Variants in GRID2 observed in about 807,000 individuals in gnomAD.
The protein encoded by GRID2 is glutamate ionotropic receptor delta type subunit 2.
Under a neutral mutation model 114.8 loss-of-function variants are expected in GRID2, and 33 were observed. The ratio of observed to expected loss-of-function variants is 0.29; its 90% confidence interval spans 0.22 to 0.38. The LOEUF (loss-of-function observed/expected upper bound fraction) is 0.38, where lower values mean the gene tolerates loss of function less well. GRID2 is among the 10% of genes least tolerant of loss of function. The pLI, the probability that GRID2 is intolerant of heterozygous loss-of-function variation, is 1.00. For synonymous variants in GRID2, 505 were observed against 449.9 expected (o/e 1.12, Z -1.55); for missense variants, 1,184 against 1,257.7 (o/e 0.94, Z 0.89).
At chr4:92,473,146 G>A (rs1207013748) in intron 1 of GRID2, among the ~76,000 whole-genome samples, 3 of 151,970 alleles carry the variant, frequency 2.0e-5, no homozygotes, top group African/African-American at 7.2e-5. Flanking sequence ...TGTTGAAAAG[G>A]CTATGCTTTC....
chr4:92,512,756 A>C (rs1176062126), intron 1 of GRID2, among the ~76,000 whole-genome samples: 1 of 151,868 alleles, frequency 6.6e-6, no homozygotes, highest in African/African-American at 2.4e-5. Flanking sequence ...CTGGCAAATC[A>C]TATCCTGTTA....
chr4:93,392,944 A>G (rs1002514034), intron 8 of GRID2, among the ~76,000 whole-genome samples: 48 of 152,044 alleles, frequency 3.2e-4, no homozygotes, highest in African/African-American at 1.1e-3. Context: ...ACCTTCTCAT[A>G]TGGTCATTGT....
chr4:93,727,030 G>A (rs1330764223), intron 14 of GRID2, among the ~76,000 whole-genome samples: 9 of 152,162 alleles, frequency 5.9e-5, no homozygotes, highest in Non-Finnish European at 1.0e-4. Context: ...ATGTTGAATA[G>A]GAGTGGCGAG....
At chr4:93,242,315 G>A (rs1380211180) in intron 8 of GRID2, among the ~76,000 whole-genome samples, 2 of 20,746 alleles carry the variant, frequency 9.6e-5, no homozygotes, top group Non-Finnish European at 2.0e-4. Flanking sequence ...GAAATGCCAG[G>A]GAGGGCTATT....
At chr4:92,661,089 T>C (rs553209007) in intron 2 of GRID2, among the ~76,000 whole-genome samples, 1 of 150,966 alleles carries the variant, frequency 6.6e-6, no homozygotes, top group South Asian at 2.1e-4. Flanking sequence ...CATTATCAGC[T>C]AACATGACAG....
chr4:92,992,347 C>T (rs769653044), intron 2 of GRID2, among the ~76,000 whole-genome samples: 2 of 152,058 alleles, frequency 1.3e-5, no homozygotes, highest in Non-Finnish European at 2.9e-5. Context: ...TACCACAACT[C>T]CTCATCATTT....
At chr4:93,564,116 A>G (rs1318368149) in intron 13 of GRID2, among the ~76,000 whole-genome samples, 1 of 152,086 alleles carries the variant, frequency 6.6e-6, no homozygotes, top group South Asian at 2.1e-4. Flanking sequence ...TTAATAAAAA[A>G]GGTAGAAGAT....
intron 14 of GRID2, among the ~76,000 whole-genome samples, chr4:93,702,017 A>T (rs1238368947): frequency 6.6e-6 from 1 of 152,078 alleles, no homozygotes; most frequent in African/African-American, 2.4e-5. Context: ...TCATTAACTA[A>T]CTTTATTACA....
At chr4:93,333,864 G>A (rs1758751213) in intron 8 of GRID2, among the ~76,000 whole-genome samples, 1 of 135,388 alleles carries the variant, frequency 7.4e-6, no homozygotes, top group Admixed American at 6.8e-5. Flanking sequence ...TCTTATACAA[G>A]GAGAACCTAA....
intron 1 of GRID2, among the ~76,000 whole-genome samples, chr4:92,589,282 C>T (rs1195137982): frequency 6.6e-6 from 1 of 151,750 alleles, no homozygotes; most frequent in African/African-American, 2.4e-5. Context: ...ATACACACAA[C>T]GTGAGGTTTA....
intron 1 of GRID2, among the ~76,000 whole-genome samples, chr4:92,330,875 A>G (rs963335508): frequency 1.3e-5 from 2 of 152,154 alleles, no homozygotes; most frequent in Non-Finnish European, 2.9e-5. Flanking sequence ...TCTCAAATGT[A>G]TATGAAAATG....
chr4:92,788,994 A>G (rs1739450262), intron 2 of GRID2, among the ~76,000 whole-genome samples: 1 of 151,870 alleles, frequency 6.6e-6, no homozygotes, highest in Non-Finnish European at 1.5e-5. Flanking sequence ...TATTTTAATA[A>G]ATAGTCACAG....
chr4:92,672,782 G>T lies in GRID2; in HGVS notation c.244+82496G>T, dbSNP rs545966968. Among the ~76,000 whole-genome samples the T allele has an allele frequency of 9.9e-5, 15 of 152,086 alleles. No individual in the cohort carries two copies. In the South Asian group the frequency reaches 3.1e-3, roughly 32 times the overall value. ...GATATAATCAAGTCAGGGTAATTAGGATATCTATCACCTTAAATATTTATT... is the reference window on the plus strand; with the variant it reads ...GATATAATCAAGTCAGGGTAATTAGTATATCTATCACCTTAAATATTTATT... On this transcript the variant is annotated intron_variant, in intron 2 of 15. Coordinates refer to ENST00000282020, the MANE Select transcript of GRID2 (RefSeq NM_001510.4).
chr4:92,869,030 G>A (rs1191000594), intron 2 of GRID2, among the ~76,000 whole-genome samples: 1 of 152,054 alleles, frequency 6.6e-6, no homozygotes, highest in Non-Finnish European at 1.5e-5. Context: ...GGCCTCTAAA[G>A]GAAATTACTT....
chr4:92,382,290 C>T (rs1729656194), intron 1 of GRID2, among the ~76,000 whole-genome samples: 1 of 151,816 alleles, frequency 6.6e-6, no homozygotes, highest in African/African-American at 2.4e-5. Flanking sequence ...GCATAGCACC[C>T]ATACAAAAGA....
chr4:93,730,494 C>G lies in GRID2; in HGVS notation c.2361-38716C>G, dbSNP rs142535073. Among the ~76,000 whole-genome samples, 812 of 152,300 alleles carry G rather than the reference C, an allele frequency of 5.3e-3. 7 individuals are homozygous for G. The highest frequency in any genetic ancestry group is 0.018 in the African/African-American group (768 of 41,582). On this transcript the variant is annotated intron_variant, in intron 14 of 15. Coordinates refer to ENST00000282020, the MANE Select transcript of GRID2 (RefSeq NM_001510.4). Reference sequence around the variant, plus strand: ...CCAAAAAATAAAAGCGACAATCAAGCCTTTAATCTCTTCCTGCAGTAGTGT... The same window carrying G: ...CCAAAAAATAAAAGCGACAATCAAGGCTTTAATCTCTTCCTGCAGTAGTGT...
At chr4:92,701,249 A>AT (rs1734663266) in intron 2 of GRID2, among the ~76,000 whole-genome samples, 2 of 152,196 alleles carry the variant, frequency 1.3e-5, no homozygotes, top group East Asian at 3.9e-4. Context: ...AAAACCTAAT[A>AT]TTTTTTAGCC....
chr4:93,555,508 C>T (rs888133653), intron 13 of GRID2, among the ~76,000 whole-genome samples: 3 of 152,052 alleles, frequency 2.0e-5, no homozygotes, highest in Non-Finnish European at 4.4e-5. Context: ...TCGAACTGGG[C>T]GGAGCCCACC....
At chr4:92,620,794 G>C (rs1434699438) in intron 2 of GRID2, among the ~76,000 whole-genome samples, 2 of 151,120 alleles carry the variant, frequency 1.3e-5, no homozygotes, top group Admixed American at 6.6e-5. Flanking sequence ...GACTGTTGTG[G>C]GGTGGGGGGA....
Sources: allele counts gnomAD v4.1 joint callset (sites outside exome capture counted in the v4.1 genomes callset), GRCh38; gene constraint gnomAD v4.1.1; transcripts MANE v1.5; gene names NCBI Gene and HGNC (gene_info 2026-07-23, HGNC 2026-07-21).